The following CADPS2 variants were observed in gnomAD, a reference collection of about 807,000 sequenced individuals.
The protein encoded by CADPS2 is calcium dependent secretion activator 2.
CADPS2 carries 93 observed loss-of-function variants against 172.5 expected under a neutral mutation model. That is an observed-to-expected ratio of 0.54 (90% CI 0.46 to 0.64). The LOEUF (loss-of-function observed/expected upper bound fraction) is 0.64. Among genes scored for constraint, CADPS2 ranks in the 30% least tolerant of loss-of-function variants. CADPS2 has a pLI of 0.00. For synonymous variants in CADPS2, 546 were observed against 555.2 expected (o/e 0.98, Z 0.23); for missense variants, 1,420 against 1,565.9 (o/e 0.91, Z 1.57).
At chr7:122,358,682 G>C (rs149100193) in intron 27 of CADPS2, among the ~76,000 whole-genome samples, 33 of 152,206 alleles carry the variant, frequency 2.2e-4, no homozygotes, top group African/African-American at 7.2e-4. Context: ...CAGCTTCAGA[G>C]AGGCATACTT....
In CADPS2 at chr7:122,407,776, A is replaced by T. The variant is rs556480807; in HGVS notation, c.2590-80T>A. On this transcript the variant is annotated intron_variant, in intron 19 of 29. Coordinates refer to ENST00000449022, the MANE Select transcript of CADPS2 (RefSeq NM_017954.11). ...CACAAGTACTGTGCCAGTTGAAAATATTTTATAACATGTCTTAGTTTCACA... is the reference window on the plus strand; with the variant it reads ...CACAAGTACTGTGCCAGTTGAAAATTTTTTATAACATGTCTTAGTTTCACA... The T allele has an allele frequency of 3.1e-5, 40 of 1,289,338 alleles. 1 individual carries two copies. The South Asian group carries it at 4.8e-4, about 16-fold the overall frequency. 79.9% of individuals were successfully genotyped at this position (1,289,338 alleles called of 1,614,324 possible).
intron 1 of CADPS2, among the ~76,000 whole-genome samples, chr7:122,746,493 A>G (rs1374393165): frequency 6.6e-6 from 1 of 152,136 alleles, no homozygotes; most frequent in African/African-American, 2.4e-5. Flanking sequence ...CCTGAACCCC[A>G]ATCCACAGTT....
chr7:122,345,733 G>T, intron 27 of CADPS2, 52 bp from the exon 28 acceptor site: 2 of 1,131,386 alleles, frequency 1.8e-6, no homozygotes, highest in Non-Finnish European at 2.6e-6. Context: ...TCTCAATTGT[G>T]AAATTATTAT....
intron 7 of CADPS2, among the ~76,000 whole-genome samples, chr7:122,578,537 C>T (rs1372447372): frequency 1.3e-5 from 2 of 152,084 alleles, no homozygotes; most frequent in African/African-American, 4.8e-5. Flanking sequence ...GGTAGCCCTG[C>T]ACCCCTGGGG....
At chr7:122,576,757 G>C (rs1413117583) in intron 7 of CADPS2, among the ~76,000 whole-genome samples, 1 of 151,138 alleles carries the variant, frequency 6.6e-6, no homozygotes, top group Non-Finnish European at 1.5e-5. Context: ...ATAGTCAGTG[G>C]GTCTCAGGAG....
intron 1 of CADPS2, among the ~76,000 whole-genome samples, chr7:122,831,068 G>C (rs1208008006): frequency 6.6e-6 from 1 of 152,156 alleles, no homozygotes; most frequent in Non-Finnish European, 1.5e-5. Flanking sequence ...GAAAGAGAAA[G>C]AGAAGTTTAG....
intron 25 of CADPS2, chr7:122,366,966 C>T (rs1415756913): frequency 6.6e-6 from 1 of 151,994 alleles, no homozygotes; most frequent in African/African-American, 2.4e-5. Context: ...GTGAATTCAC[C>T]ACACTGTTTT....
intron 2 of CADPS2, among the ~76,000 whole-genome samples, chr7:122,714,799 A>G (rs931409073): frequency 3.3e-5 from 5 of 152,170 alleles, no homozygotes; most frequent in African/African-American, 1.2e-4. Context: ...TACAGTAATA[A>G]TAAGTTCCGA....
In CADPS2 at chr7:122,556,101, G is replaced by A. The variant is rs1587239225; in HGVS notation, c.1336-1412C>T. Among the ~76,000 whole-genome samples, 4 of 152,084 alleles carry A rather than the reference G, an allele frequency of 2.6e-5. No individual in the cohort carries two copies. The South Asian group carries it at 8.3e-4, about 32-fold the overall frequency. On this transcript the variant is annotated intron_variant, in intron 7 of 29. Coordinates refer to ENST00000449022, the MANE Select transcript of CADPS2 (RefSeq NM_017954.11). ...ACTCAAGTATATAAAGGACATCTAA[G>A]AACAAACTAAATGACATTTACAATG...
intron 28 of CADPS2, 132 bp downstream of exon 28, chr7:122,345,442 T>A: frequency 1.7e-6 from 1 of 577,914 alleles, no homozygotes; most frequent in Non-Finnish European, 3.0e-6. Context: ...CTGGCCAGCT[T>A]CAACTTTTTA....
intron 6 of CADPS2, among the ~76,000 whole-genome samples, chr7:122,590,839 AC>A (rs2070681722): frequency 6.6e-6 from 1 of 152,002 alleles, no homozygotes; most frequent in Non-Finnish European, 1.5e-5. Context: ...TTTATTATAA[AC>A]AAATACTATT....
rs2089489629 is a variant in CADPS2 at position 122,715,677 on chromosome 7, G to A, written c.453+21278C>T. 2.0e-5 allele frequency among the ~76,000 whole-genome samples: 3 copies of A among 151,314 alleles called. No individual in the cohort carries two copies. The South Asian group carries it at 6.3e-4, about 32-fold the overall frequency. On this transcript the variant is annotated intron_variant, in intron 2 of 29. Transcript: ENST00000449022. ...ATGGTCAAAATTCTCACAGACACAAGGCTTAAAACCTCTCAACACAACGCA... is the reference window on the plus strand; with the variant it reads ...ATGGTCAAAATTCTCACAGACACAAAGCTTAAAACCTCTCAACACAACGCA...
At chr7:122,371,086 A>G (rs1036477765) in intron 25 of CADPS2, among the ~76,000 whole-genome samples, 2 of 152,202 alleles carry the variant, frequency 1.3e-5, no homozygotes, top group African/African-American at 4.8e-5. Flanking sequence ...TAGTAACCTC[A>G]TCTCATGGGA....
At chr7:122,605,215 A>C (rs535472195) in intron 6 of CADPS2, among the ~76,000 whole-genome samples, 2 of 152,248 alleles carry the variant, frequency 1.3e-5, no homozygotes, top group Middle Eastern at 3.4e-3. Flanking sequence ...TCAGTGAGTA[A>C]GTGGTGAGTA....
intron 8 of CADPS2, among the ~76,000 whole-genome samples, chr7:122,536,460 AAGG>A (rs1247985601): frequency 6.6e-6 from 1 of 152,134 alleles, no homozygotes; most frequent in Non-Finnish European, 1.5e-5. Flanking sequence ...ATAAAAGATC[AAGG>A]TTACTTCCTA....
chr7:122,371,642 A>G (rs1205171954), intron 25 of CADPS2, among the ~76,000 whole-genome samples: 1 of 152,162 alleles, frequency 6.6e-6, no homozygotes, highest in East Asian at 1.9e-4. Context: ...ACCATGGTGG[A>G]GATCAGTAAG....
At chr7:122,659,449 GAA>G (rs1194518114) in intron 3 of CADPS2, among the ~76,000 whole-genome samples, 1 of 151,904 alleles carries the variant, frequency 6.6e-6, no homozygotes, top group African/African-American at 2.4e-5. Context: ...AATACAAAGA[GAA>G]AAAGAGTTGA....
intron 27 of CADPS2, among the ~76,000 whole-genome samples, chr7:122,345,939 T>C (rs558395938): frequency 1.4e-5 from 2 of 139,420 alleles, no homozygotes; most frequent in African/African-American, 5.1e-5. Context: ...TTTTGTTAAA[T>C]GGCTATCTTG....
chr7:122,525,999 G>T (rs2061201289), intron 8 of CADPS2, among the ~76,000 whole-genome samples: 2 of 152,122 alleles, frequency 1.3e-5, no homozygotes, highest in Admixed American at 1.3e-4. Context: ...ATTATGAGCT[G>T]TGTGCCAGCA....
Sources: allele counts gnomAD v4.1 joint callset (sites outside exome capture counted in the v4.1 genomes callset), GRCh38; gene constraint gnomAD v4.1.1; transcripts MANE v1.5; gene names NCBI Gene and HGNC (gene_info 2026-07-23, HGNC 2026-07-21).